The following SLC30A3 variants were observed in gnomAD, a reference collection of about 807,000 sequenced individuals.
SLC30A3 encodes solute carrier family 30 member 3.
Under a neutral mutation model 35.6 loss-of-function variants are expected in SLC30A3, and 20 were observed. The ratio of observed to expected loss-of-function variants is 0.56; its 90% confidence interval spans 0.39 to 0.82. SLC30A3 has a LOEUF of 0.82. Among genes scored for constraint, SLC30A3 ranks in the 40% least tolerant of loss-of-function variants. SLC30A3 has a pLI of 0.00. For missense variants in SLC30A3, 401 were observed against 530.6 expected (o/e 0.76, Z 2.40); for synonymous variants, 217 against 224.7 (o/e 0.97, Z 0.31).
At chr2:27,264,577 G>A (rs1386707666), upstream of SLC30A3, among the ~76,000 whole-genome samples, 2 of 152,326 alleles carry the variant, frequency 1.3e-5, no homozygotes, top group East Asian at 3.9e-4. This position sits in a 1 kb window ranked among gnomAD's most constrained non-coding sequence, Gnocchi z 6.1. Flanking sequence ...GCACGGGAGA[G>A]CCACAGGGGC....
intron 1 of SLC30A3, among the ~76,000 whole-genome samples, chr2:27,268,791 A>C (rs963287017): frequency 6.6e-6 from 1 of 152,182 alleles, no homozygotes; most frequent in Non-Finnish European, 1.5e-5. Flanking sequence ...GTAAATTGGC[A>C]TAAGGTCAGC....
At chr2:27,267,947 A>G (rs957630043), upstream of SLC30A3, among the ~76,000 whole-genome samples, 8 of 151,452 alleles carry the variant, frequency 5.3e-5, no homozygotes, top group Non-Finnish European at 1.0e-4. Flanking sequence ...AAAAAAAAAA[A>G]CTCAAAAAAC....
intron 1 of SLC30A3, among the ~76,000 whole-genome samples, chr2:27,269,653 A>G (rs1449831643): frequency 6.6e-6 from 1 of 151,998 alleles, no homozygotes; most frequent in Non-Finnish European, 1.5e-5. Flanking sequence ...AGAAGAGAAG[A>G]AAGAGCACAA....
chr2:27,259,869 C>T (rs1042034015), intron 1 of SLC30A3, among the ~76,000 whole-genome samples: 2 of 152,104 alleles, frequency 1.3e-5, no homozygotes, highest in Non-Finnish European at 2.9e-5. Context: ...GCGAAGGTGG[C>T]CACTGTCATT....
intron 7 of SLC30A3, chr2:27,256,112 C>G (rs1676831572): frequency 4.1e-6 from 2 of 486,202 alleles, no homozygotes; most frequent in African/African-American, 3.9e-5. Context: ...TACTAATGAT[C>G]TTTTAAAGGG....
At chr2:27,256,344 G>T (rs144574144) in intron 7 of SLC30A3, 42 bp downstream of exon 7, 1 of 1,607,174 alleles carries the variant, frequency 6.2e-7, no homozygotes, top group African/African-American at 1.3e-5. Context: ...TTGGGGTGGG[G>T]TATGTTCCAG....
intron 1 of SLC30A3, among the ~76,000 whole-genome samples, chr2:27,268,185 T>C (rs902285195): frequency 6.6e-6 from 1 of 152,196 alleles, no homozygotes; most frequent in African/African-American, 2.4e-5. Context: ...AGTACTGTAC[T>C]GTACATAATA....
chr2:27,267,657 G>A (rs1054207987), upstream of SLC30A3, among the ~76,000 whole-genome samples: 1 of 152,062 alleles, frequency 6.6e-6, no homozygotes, highest in Admixed American at 6.6e-5. Context: ...CAACCTGACT[G>A]GATGCGGTGG....
Position 27,255,951 on chromosome 2 carries a change from T to C in SLC30A3, c.1018+435A>G. On this transcript the variant is annotated intron_variant, in intron 7 of 7. Coordinates refer to ENST00000233535, the MANE Select transcript of SLC30A3 (RefSeq NM_003459.5). The surrounding 1 kb of genome is among the most constrained non-coding windows in gnomAD (Gnocchi z 5.2). ...GTTGAATCATAATGTAGATGCAATTTTATATTCAGCTTTTTTCTCAGCATT... is the reference window on the plus strand; with the variant it reads ...GTTGAATCATAATGTAGATGCAATTCTATATTCAGCTTTTTTCTCAGCATT... The C allele has an allele frequency of 4.8e-6, 1 of 206,980 alleles. No individual in the cohort carries two copies. The highest frequency in any genetic ancestry group is 9.8e-6 in the Non-Finnish European group (1 of 102,012). The allele number at this position is 206,980 out of a possible 1,614,324, so 12.8% of individuals were successfully genotyped here.
At chr2:27,259,782 A>G (rs1405912719) in intron 1 of SLC30A3, among the ~76,000 whole-genome samples, 2 of 152,224 alleles carry the variant, frequency 1.3e-5, no homozygotes, top group Non-Finnish European at 2.9e-5. Flanking sequence ...TAGGCACCCC[A>G]AAATGAGCAG....
rs949554436 is a variant in SLC30A3, at chr2:27,255,014, C to T, written c.*298G>A. 1.2e-5 allele frequency: 15 copies of T among 1,245,002 alleles called. No homozygotes were observed. In the African/African-American group the frequency reaches 2.1e-4, roughly 18 times the overall value. The allele number at this position is 1,245,002 out of a possible 1,614,324, so 77.1% of individuals were successfully genotyped here. ...AAGGATGTTCGTGGCTCCACATGAA[C>T]CATGGGGAGATGGCACCACAGGCCT... On this transcript the variant is annotated 3_prime_UTR_variant, in exon 8 of 8. Transcript: ENST00000233535. This position sits in a 1 kb window ranked among gnomAD's most constrained non-coding sequence, Gnocchi z 5.2.
At chr2:27,264,570 C>T (rs1175306939), upstream of SLC30A3, among the ~76,000 whole-genome samples, 1 of 152,174 alleles carries the variant, frequency 6.6e-6, no homozygotes, top group Non-Finnish European at 1.5e-5. This position sits in a 1 kb window ranked among gnomAD's most constrained non-coding sequence, Gnocchi z 6.1. Flanking sequence ...CAGAGCGGCA[C>T]GGGAGAGCCA....
chr2:27,258,802 T>G lies in SLC30A3; in HGVS notation c.228A>C (p.Leu76=). The G allele has an allele frequency of 3.1e-6, 5 of 1,614,188 alleles. No homozygotes were observed. Among genetic ancestry groups the G allele is most frequent in the Non-Finnish European group, 4.2e-6 (5 of 1,179,996 alleles). ...CAAAGCAAACGGCACAGGCAGCATA[T>G]AGCTGCCTCCGTGCATGCAGCCTCT... ...TPERLHARRQ[L]YAACAVCFVF... The change falls in exon 2 of 8, where the codon CTA becomes CTC. Residue 76 remains leucine, a synonymous_variant. Coordinates refer to ENST00000233535, the MANE Select transcript of SLC30A3 (RefSeq NM_003459.5). The surrounding 1 kb of genome is among the most constrained non-coding windows in gnomAD (Gnocchi z 4.0).
upstream of SLC30A3, chr2:27,263,067 C>T (rs1421490271): frequency 3.7e-6 from 5 of 1,356,440 alleles, no homozygotes; most frequent in South Asian, 7.2e-5. Flanking sequence ...GGAGTCCGAA[C>T]TGCAGATCCC....
rs1214472677 is a variant in SLC30A3 at position 27,262,329 on chromosome 2, G to A, written c.95+483C>T. 1.3e-5 allele frequency among the ~76,000 whole-genome samples: 2 copies of A among 151,816 alleles called. No individual in the cohort carries two copies. The highest frequency in any genetic ancestry group is 2.4e-5 in the African/African-American group (1 of 41,410). On this transcript the variant is annotated intron_variant, in intron 1 of 7. Coordinates refer to ENST00000233535, the MANE Select transcript of SLC30A3 (RefSeq NM_003459.5). The surrounding 1 kb of genome is among the most constrained non-coding windows in gnomAD (Gnocchi z 7.5). ...GCCCGCAAGACCCGCGCGGAGCCCG[G>A]CCCATCCTCGGGCCCCGGCGCCCAC... is the stretch of plus-strand genomic sequence containing the variant.
chr2:27,272,296 A>C (rs1192238808), intron 1 of SLC30A3, among the ~76,000 whole-genome samples: 2 of 152,136 alleles, frequency 1.3e-5, no homozygotes, highest in African/African-American at 4.8e-5. Context: ...TCCCTAGCTA[A>C]GTGCTTCTGT....
In SLC30A3 at chr2:27,262,984, C is replaced by A; in HGVS notation, c.-78G>T. The A allele has an allele frequency of 7.0e-7, 1 of 1,427,106 alleles. No individual in the cohort carries two copies. The highest frequency in any genetic ancestry group is 1.5e-5 in the South Asian group (1 of 68,790). 88.4% of individuals were successfully genotyped at this position (1,427,106 alleles called of 1,614,324 possible). A position where few individuals can be genotyped will look rare whatever the true frequency, so the allele number is the denominator to read the frequency against. The stretch of plus-strand genomic sequence containing the variant: ...CGGCCCCGCGCCAAGTCCGAGCAGC[C>A]CGCCGACCCCCGGGATCCCCGCAGG... On this transcript the variant is annotated 5_prime_UTR_variant, in exon 1 of 8. Transcript: ENST00000233535. This position sits in a 1 kb window ranked among gnomAD's most constrained non-coding sequence, Gnocchi z 7.5.
upstream of SLC30A3, among the ~76,000 whole-genome samples, chr2:27,266,301 T>G (rs1330014215): frequency 6.6e-6 from 1 of 152,222 alleles, no homozygotes; most frequent in Non-Finnish European, 1.5e-5. Context: ...TTTCATCATT[T>G]GGCTTCCAGG....
Position 27,254,793 on chromosome 2 carries a change from CACACACAG to C in SLC30A3, c.*511_*518del, listed in dbSNP as rs1374148299. 1 of 283,134 alleles carries C rather than the reference CACACACAG, an allele frequency of 3.5e-6. No homozygotes were observed. Among genetic ancestry groups the C allele is most frequent in the African/African-American group, 2.4e-5 (1 of 41,304 alleles). 17.5% of individuals were successfully genotyped at this position (283,134 alleles called of 1,614,324 possible). A position where few individuals can be genotyped will look rare whatever the true frequency, so the allele number is the denominator to read the frequency against. Reference sequence around the variant, plus strand: ...ACACACACACACACACACACACACACACACACAGACAAAACCACAGGGCTAAGACACAC... The same window carrying C: ...ACACACACACACACACACACACACACACAAAACCACAGGGCTAAGACACAC... On this transcript the variant is annotated 3_prime_UTR_variant, in exon 8 of 8. Transcript: ENST00000233535.
Sources: allele counts gnomAD v4.1 joint callset (sites outside exome capture counted in the v4.1 genomes callset), GRCh38; gene constraint gnomAD v4.1.1; non-coding constraint Gnocchi (gnomAD v3.1); transcripts MANE v1.5; gene names NCBI Gene and HGNC (gene_info 2026-07-23, HGNC 2026-07-21).